Variants in IQSEC3 observed in about 807,000 individuals in gnomAD.
IQSEC3 encodes IQ motif and SEC7 domain-containing protein 3.
A neutral mutation model predicts 105.4 loss-of-function variants in IQSEC3; 50 were observed. The ratio of observed to expected loss-of-function variants is 0.47; its 90% CI spans 0.38 to 0.60. The LOEUF (loss-of-function observed/expected upper bound fraction) is 0.60, where lower values mean the gene tolerates loss of function less well. IQSEC3 is among the 20% of genes least tolerant of loss of function. IQSEC3 has a pLI of 0.00. For missense variants in IQSEC3, 1,415 were observed against 1,630.0 expected, an observed-to-expected ratio of 0.87 and a Z score of 2.27; for synonymous variants, 708 against 746.0, an observed-to-expected ratio of 0.95 and a Z score of 0.83.
At chr12:150,880 A>G (rs1318390377) in intron 5 of IQSEC3, among the ~76,000 whole-genome samples, 5 of 152,234 alleles carry the variant, frequency 3.3e-5, no homozygotes, top group African/African-American at 1.2e-4. Flanking sequence ...AGGATGATTC[A>G]GTAGAGGGGA....
At chr12:107,148 C>T (rs1488955765) in intron 2 of IQSEC3, among the ~76,000 whole-genome samples, 4 of 152,202 alleles carry the variant, frequency 2.6e-5, no homozygotes, top group Non-Finnish European at 4.4e-5. Flanking sequence ...CTTTAGCACC[C>T]TCAAGTTAAA....
At chr12:93,439 C>T (rs895583658) in intron 1 of IQSEC3, among the ~76,000 whole-genome samples, 1 of 152,148 alleles carries the variant, frequency 6.6e-6, no homozygotes, top group Non-Finnish European at 1.5e-5. Context: ...ACCTTGCCAG[C>T]CCCTGGTGTC....
rs1555066921 is a variant in IQSEC3 at position 69,550 on chromosome 12, T to C, written c.554+2114T>C. On this transcript the variant is annotated intron_variant, in intron 1 of 13. Transcript: ENST00000538872. Reference sequence around the variant, plus strand: ...TCACTTAGAAAGTTGCCCCAGGCACTTAACAGTAATGCCTTACTTTCTCCA... The same window carrying C: ...TCACTTAGAAAGTTGCCCCAGGCACCTAACAGTAATGCCTTACTTTCTCCA... 2.6e-5 allele frequency among the ~76,000 whole-genome samples: 4 copies of C among 152,410 alleles called. No homozygotes were observed. The East Asian group carries it at 7.7e-4, about 29-fold the overall frequency.
intron 11 of IQSEC3, chr12:167,468 G>A (rs925297100): frequency 3.9e-5 from 6 of 151,962 alleles, no homozygotes; most frequent in Non-Finnish European, 7.3e-5. Context: ...TAAAAGAGCA[G>A]GAAGAAAGGC....
intron 1 of IQSEC3, among the ~76,000 whole-genome samples, chr12:78,224 G>C (rs189462860): frequency 0.034 from 5,175 of 151,562 alleles, 230 homozygotes; most frequent in African/African-American, 0.11. Flanking sequence ...GAGGGGGCTC[G>C]GAAGGGGCTT....
At chr12:123,619 A>C (rs1865288599) in intron 2 of IQSEC3, among the ~76,000 whole-genome samples, 1 of 152,052 alleles carries the variant, frequency 6.6e-6, no homozygotes, top group Non-Finnish European at 1.5e-5. Flanking sequence ...GAGTGCTGGG[A>C]GGGCAGATGG....
chr12:114,946 C>A (rs1446878943), intron 2 of IQSEC3, among the ~76,000 whole-genome samples: 6 of 152,200 alleles, frequency 3.9e-5, no homozygotes, highest in Non-Finnish European at 8.8e-5. Flanking sequence ...GCAGAGATAA[C>A]ACATGGAAGC....
At chr12:150,733 A>G (rs1866474238) in intron 5 of IQSEC3, among the ~76,000 whole-genome samples, 1 of 152,224 alleles carries the variant, frequency 6.6e-6, no homozygotes, top group Non-Finnish European at 1.5e-5. Flanking sequence ...TGAGTGGAGC[A>G]GGTTGAAGAG....
At chr12:135,990 G>C (rs947538510) in intron 3 of IQSEC3, among the ~76,000 whole-genome samples, 22 of 152,214 alleles carry the variant, frequency 1.4e-4, no homozygotes, top group African/African-American at 4.6e-4. Flanking sequence ...TAAGTGGCTG[G>C]ATTTGTGGTC....
At chr12:98,831 T>C (rs1469936865) in intron 1 of IQSEC3, among the ~76,000 whole-genome samples, 5 of 152,202 alleles carry the variant, frequency 3.3e-5, no homozygotes, top group Non-Finnish European at 7.3e-5. Context: ...ATTTGGTACA[T>C]GCACGCGAAA....
In IQSEC3 at chr12:99,131, C is replaced by T. The variant is rs896718554; in HGVS notation, c.555-15C>T. 5.6e-6 allele frequency: 9 copies of T among 1,597,376 alleles called. No homozygotes were observed. The highest frequency in any genetic ancestry group is 7.6e-6 in the Non-Finnish European group (9 of 1,178,910). ...CTGCCTCAGGCGCTCTGATCTCCCT[C>T]TGCTCTGCCCGCAGGAATGAGACCG... On this transcript the variant is annotated splice_polypyrimidine_tract_variant and intron_variant, in intron 1 of 13. Coordinates refer to ENST00000538872, the MANE Select transcript of IQSEC3 (RefSeq NM_001170738.2).
intron 13 of IQSEC3, chr12:171,460 C>T: frequency 1.4e-6 from 1 of 710,934 alleles, no homozygotes; most frequent in South Asian, 1.8e-5. Context: ...GGCCATCCTT[C>T]CTGTGTGCCC....
chr12:153,455 C>A (rs1565439501), intron 5 of IQSEC3, among the ~76,000 whole-genome samples: 1 of 152,320 alleles, frequency 6.6e-6, no homozygotes, highest in South Asian at 2.1e-4. Context: ...CCTGGTCCAA[C>A]CCCCAGCTCT....
intron 2 of IQSEC3, among the ~76,000 whole-genome samples, chr12:101,271 C>T (rs61908610): frequency 0.2 from 29,766 of 152,108 alleles, 3,502 homozygotes; most frequent in Non-Finnish European, 0.27. Flanking sequence ...GGGAGAGAGG[C>T]GGCCCCAGCA....
intron 9 of IQSEC3, among the ~76,000 whole-genome samples, chr12:165,136 G>A (rs1245467262): frequency 1.3e-5 from 2 of 152,244 alleles, no homozygotes; most frequent in Non-Finnish European, 2.9e-5. Flanking sequence ...CTACAGCAGG[G>A]AGGACACTTG....
chr12:108,350 G>A (rs186671716), intron 2 of IQSEC3, among the ~76,000 whole-genome samples: 8 of 152,372 alleles, frequency 5.3e-5, no homozygotes, highest in Admixed American at 1.3e-4. Flanking sequence ...CCTTATATGA[G>A]CTTCAGGGCT....
intron 3 of IQSEC3, among the ~76,000 whole-genome samples, chr12:137,889 C>G (rs1555086897): frequency 6.6e-6 from 1 of 151,782 alleles, no homozygotes; most frequent in Non-Finnish European, 1.5e-5. Context: ...GTCGCAAACT[C>G]CTGAGCTCAA....
At chr12:154,598 C>G (rs190943969) in intron 5 of IQSEC3, among the ~76,000 whole-genome samples, 42 of 152,250 alleles carry the variant, frequency 2.8e-4, no homozygotes, top group African/African-American at 6.3e-4. Flanking sequence ...CTTTCTTGGC[C>G]TCATAAGAGT....
intron 5 of IQSEC3, among the ~76,000 whole-genome samples, chr12:151,535 T>C (rs1866511171): frequency 6.6e-6 from 1 of 152,224 alleles, no homozygotes; most frequent in Non-Finnish European, 1.5e-5. Context: ...GGCCCCTGCT[T>C]CTGTCTTCTT....
Sources: allele counts gnomAD v4.1 joint callset (sites outside exome capture counted in the v4.1 genomes callset), GRCh38; gene constraint gnomAD v4.1.1; transcripts MANE v1.5; gene names NCBI Gene and HGNC (gene_info 2026-07-23, HGNC 2026-07-21).